The following COX5A variants were observed in gnomAD, a reference collection of about 807,000 sequenced individuals.
The protein encoded by COX5A is cytochrome c oxidase subunit 5A, mitochondrial.
In COX5A, 6 loss-of-function variants were observed where a neutral mutation model predicts 16.1. That is an observed-to-expected ratio of 0.37 (90% CI 0.20 to 0.73). The LOEUF is 0.73. COX5A is among the 30% of genes least tolerant of loss of function. The pLI, the probability that COX5A is intolerant of heterozygous loss-of-function variation, is 0.50. For synonymous variants in COX5A, 73 were observed against 73.8 expected, an observed-to-expected ratio of 0.99 and a Z score of 0.06; for missense variants, 159 against 194.9, an observed-to-expected ratio of 0.82 and a Z score of 1.10.
intron 4 of COX5A, among the ~76,000 whole-genome samples, chr15:74,922,068 G>C (rs1033099834): frequency 3.3e-5 from 5 of 151,974 alleles, no homozygotes; most frequent in Non-Finnish European, 4.4e-5. Flanking sequence ...CAAACAAAAA[G>C]ACCACTCCGT....
intron 1 of COX5A, among the ~76,000 whole-genome samples, chr15:74,936,880 C>G (rs894333689): frequency 6.6e-6 from 1 of 152,026 alleles, no homozygotes; most frequent in Non-Finnish European, 1.5e-5. Context: ...CCGCCCGCCT[C>G]GGCCTACCAA....
At chr15:74,930,994 G>A (rs1240605674) in intron 1 of COX5A, among the ~76,000 whole-genome samples, 1 of 111,984 alleles carries the variant, frequency 8.9e-6, no homozygotes, top group Non-Finnish European at 1.6e-5. Flanking sequence ...TCCAGCCTGG[G>A]CAACAGAGCG....
At chr15:74,924,429 C>T (rs763526338) in intron 3 of COX5A, among the ~76,000 whole-genome samples, 3 of 151,348 alleles carry the variant, frequency 2.0e-5, no homozygotes, top group Non-Finnish European at 4.4e-5. Context: ...CCCAGCTACT[C>T]GGGAATGCTT....
chr15:74,924,561 T>G (rs1369418253), intron 3 of COX5A, among the ~76,000 whole-genome samples: 1 of 152,048 alleles, frequency 6.6e-6, no homozygotes, highest in Non-Finnish European at 1.5e-5. Flanking sequence ...AGAGGGCAAC[T>G]TATATATGTA....
chr15:74,930,289 G>A (rs1161292165), intron 1 of COX5A, among the ~76,000 whole-genome samples: 2 of 151,210 alleles, frequency 1.3e-5, no homozygotes, highest in African/African-American at 2.4e-5. Context: ...GTGGTGGCGC[G>A]TGCCTGTAGT....
At chr15:74,924,483 T>C (rs920830120) in intron 3 of COX5A, among the ~76,000 whole-genome samples, 3 of 152,030 alleles carry the variant, frequency 2.0e-5, no homozygotes, top group African/African-American at 7.2e-5. Context: ...ATCATGACAC[T>C]ACACTCCAGC....
chr15:74,926,121 G>A (rs1263857109), intron 3 of COX5A, among the ~76,000 whole-genome samples: 1 of 146,160 alleles, frequency 6.8e-6, no homozygotes, highest in East Asian at 2.0e-4. Context: ...CTCACTGCAA[G>A]CTTTGCCTCC....
rs544559261 is a variant in COX5A, at chr15:74,930,435, A to G, written c.101-1203T>C. Among the ~76,000 whole-genome samples the G allele has an allele frequency of 9.0e-5, 13 of 145,022 alleles. No individual in the cohort carries two copies. The South Asian group carries it at 2.9e-3, about 32-fold the overall frequency. On this transcript the variant is annotated intron_variant, in intron 1 of 4. Transcript: ENST00000322347. Reference sequence around the variant, plus strand: ...CCGCCTCAAAAAAAAAAAAAAAGACAATAAACAACAACAACAAAAAAAACC... The same window carrying G: ...CCGCCTCAAAAAAAAAAAAAAAGACGATAAACAACAACAACAAAAAAAACC...
chr15:74,937,778 G>T, intron 1 of COX5A, 137 bp downstream of exon 1: 2 of 497,098 alleles, frequency 4.0e-6, no homozygotes, highest in Non-Finnish European at 6.2e-6. Context: ...GGCGGGCAGG[G>T]CGGCCCGCGG....
chr15:74,935,790 G>A lies in COX5A; in HGVS notation c.100+2125C>T, dbSNP rs1387721027. Among the ~76,000 whole-genome samples, 8 of 150,034 alleles carry A rather than the reference G, an allele frequency of 5.3e-5. No homozygotes were observed. In the South Asian group the frequency reaches 1.0e-3, roughly 20 times the overall value. On this transcript the variant is annotated intron_variant, in intron 1 of 4. Coordinates refer to ENST00000322347, the MANE Select transcript of COX5A (RefSeq NM_004255.4). ...GTATTTTTAGTAGATACTGGGTTTC[G>A]CCATGTTCAGGCTGGTCTGGAACTT...
chr15:74,930,466 A>T (rs2065362055), intron 1 of COX5A, among the ~76,000 whole-genome samples: 1 of 83,516 alleles, frequency 1.2e-5, no homozygotes, highest in African/African-American at 4.3e-5. Flanking sequence ...AAACCAAAAA[A>T]GCAACAAAAA....
At chr15:74,937,088 A>G (rs1380064067) in intron 1 of COX5A, among the ~76,000 whole-genome samples, 2 of 152,146 alleles carry the variant, frequency 1.3e-5, no homozygotes, top group African/African-American at 4.8e-5. Flanking sequence ...TCGAAGTGCA[A>G]TTACTGTAAT....
chr15:74,922,951 A>G (rs1024085465), intron 4 of COX5A, among the ~76,000 whole-genome samples: 1 of 151,868 alleles, frequency 6.6e-6, no homozygotes, highest in Non-Finnish European at 1.5e-5. Context: ...CACTGTGCCC[A>G]GCCCAAATAG....
In COX5A at chr15:74,927,337, C is replaced by T. The variant is rs187816321; in HGVS notation, c.218-450G>A. Reference sequence around the variant, plus strand: ...GATTACAGGCGGGTGCCACCAAGCCCAGCTAATTTTAGTATTTTTAGTAGA... The same window carrying T: ...GATTACAGGCGGGTGCCACCAAGCCTAGCTAATTTTAGTATTTTTAGTAGA... On this transcript the variant is annotated intron_variant, in intron 2 of 4. Transcript: ENST00000322347. Among the ~76,000 whole-genome samples the T allele has an allele frequency of 4.4e-3, 671 of 152,104 alleles. 2 individuals are homozygous for T. Among genetic ancestry groups the T allele is most frequent in the Non-Finnish European group, 7.0e-3 (473 of 68,008 alleles).
intron 1 of COX5A, among the ~76,000 whole-genome samples, chr15:74,930,556 G>A (rs973276697): frequency 4.7e-5 from 7 of 150,302 alleles, no homozygotes; most frequent in African/African-American, 1.2e-4. Flanking sequence ...TGCCTAGGCT[G>A]GAGTGTAGTG....
Position 74,923,785 on chromosome 15 carries a change from A to G in COX5A, c.340-15T>C. 1 of 1,441,986 alleles carries G rather than the reference A, an allele frequency of 6.9e-7. No homozygotes were observed. The highest frequency in any genetic ancestry group is 9.8e-7 in the Non-Finnish European group (1 of 1,025,000). 89.3% of individuals were successfully genotyped at this position (1,441,986 alleles called of 1,614,324 possible). On this transcript the variant is annotated splice_polypyrimidine_tract_variant and intron_variant, in intron 3 of 4. Coordinates refer to ENST00000322347, the MANE Select transcript of COX5A (RefSeq NM_004255.4). ...CCTGCTTTGTCCTGATGGCAAAGAG[A>G]ATATTCACATTTAACTCTCTCAAAA...
At position 74,920,323 on chromosome 15, in the gene COX5A, C is replaced by T. The variant is rs540310338; in HGVS notation, c.*129G>A. ...TTTATTAAAGTCCAAGTTACCATTA[C>T]ATGGCTTGGTACTCAATAAAGGAAA... On this transcript the variant is annotated 3_prime_UTR_variant, in exon 5 of 5. Transcript: ENST00000322347. 2 of 660,686 alleles carry T rather than the reference C, an allele frequency of 3.0e-6. No homozygotes were observed. The highest frequency in any genetic ancestry group is 2.6e-5 in the Admixed American group (1 of 38,418). The allele number at this position is 660,686 out of a possible 1,614,324, so 40.9% of individuals were successfully genotyped here. A position where few individuals can be genotyped will look rare whatever the true frequency, so the allele number is the denominator to read the frequency against.
rs756740507 is a variant in COX5A, at chr15:74,924,711, C to G, written c.340-941G>C. 1.1e-3 allele frequency among the ~76,000 whole-genome samples: 160 copies of G among 152,238 alleles called. 1 individual carries two copies. The highest frequency in any genetic ancestry group is 1.6e-3 in the Non-Finnish European group (112 of 68,024). On this transcript the variant is annotated intron_variant, in intron 3 of 4. Transcript: ENST00000322347. ...AAGGCAATTAGACATGCCCAGCAGGCAACACGAATAATTAAGTTAACGGGA... is the reference window on the plus strand; with the variant it reads ...AAGGCAATTAGACATGCCCAGCAGGGAACACGAATAATTAAGTTAACGGGA...
intron 3 of COX5A, among the ~76,000 whole-genome samples, chr15:74,925,909 A>T (rs1359430226): frequency 1.3e-5 from 2 of 150,910 alleles, no homozygotes; most frequent in Non-Finnish European, 2.9e-5. Context: ...CTTGTTGCCC[A>T]GGCTGGAGTG....
Sources: allele counts gnomAD v4.1 joint callset (sites outside exome capture counted in the v4.1 genomes callset), GRCh38; gene constraint gnomAD v4.1.1; transcripts MANE v1.5; gene names NCBI Gene and HGNC (gene_info 2026-07-23, HGNC 2026-07-21).